Variants in CDH13 observed in about 807,000 individuals in gnomAD.
The protein encoded by CDH13 is cadherin-13.
CDH13 carries 24 observed loss-of-function variants against 63.8 expected under a neutral mutation model. The ratio of observed to expected loss-of-function variants is 0.38; its 90% CI spans 0.27 to 0.53. The LOEUF (loss-of-function observed/expected upper bound fraction) is 0.53. CDH13 is among the 20% of genes least tolerant of loss of function. CDH13 has a pLI of 0.85. For missense variants in CDH13, 1,049 were observed against 903.1 expected, an observed-to-expected ratio of 1.16 and a Z score of -2.07; for synonymous variants, 503 against 355.3, an observed-to-expected ratio of 1.42 and a Z score of -4.67.
At chr16:82,714,044 C>T (rs1240584874) in intron 1 of CDH13, among the ~76,000 whole-genome samples, 8 of 152,144 alleles carry the variant, frequency 5.3e-5, no homozygotes. Flanking sequence ...GGTGATTCAC[C>T]TGTCTCGGCC....
intron 5 of CDH13, among the ~76,000 whole-genome samples, chr16:83,223,074 G>A (rs571441727): frequency 4.4e-4 from 67 of 152,060 alleles, no homozygotes; most frequent in African/African-American, 1.6e-3. Flanking sequence ...GGGCAAAATT[G>A]AGAACCACTG....
intron 2 of CDH13, among the ~76,000 whole-genome samples, chr16:82,956,371 C>A (rs1906104966): frequency 6.6e-6 from 1 of 152,070 alleles, no homozygotes; most frequent in South Asian, 2.1e-4. Context: ...CTAATTTCTG[C>A]TCCAAATGGC....
At chr16:83,719,835 G>C (rs1428587097) in intron 10 of CDH13, among the ~76,000 whole-genome samples, 1 of 152,124 alleles carries the variant, frequency 6.6e-6, no homozygotes, top group Non-Finnish European at 1.5e-5. Context: ...ATCAGCGTCA[G>C]TTGGCCCCAC....
chr16:83,339,603 C>T (rs897731884), intron 5 of CDH13, among the ~76,000 whole-genome samples: 4 of 152,180 alleles, frequency 2.6e-5, no homozygotes, highest in Middle Eastern at 3.4e-3. Context: ...GCTCAGGGCC[C>T]GGATCTGGTG....
intron 2 of CDH13, among the ~76,000 whole-genome samples, chr16:82,983,070 A>G (rs8064047): frequency 0.055 from 8,435 of 152,134 alleles, 482 homozygotes; most frequent in African/African-American, 0.14. Flanking sequence ...GGCTGACGCT[A>G]TGGTTTTTAT....
intron 3 of CDH13, among the ~76,000 whole-genome samples, chr16:83,048,149 T>G (rs1204299788): frequency 1.3e-5 from 2 of 152,226 alleles, no homozygotes; most frequent in African/African-American, 4.8e-5. Flanking sequence ...TAATTGAATT[T>G]AATTGCTTTC....
chr16:83,787,754 C>G (rs1444284808), intron 13 of CDH13, among the ~76,000 whole-genome samples: 2 of 152,200 alleles, frequency 1.3e-5, no homozygotes, highest in Admixed American at 1.3e-4. Flanking sequence ...ACCAGCCTGG[C>G]CAACATGGCC....
At chr16:82,791,962 A>G (rs1052800940) in intron 1 of CDH13, among the ~76,000 whole-genome samples, 4 of 152,156 alleles carry the variant, frequency 2.6e-5, no homozygotes, top group Non-Finnish European at 4.4e-5. Flanking sequence ...CTCTAAGAAC[A>G]AAGACCCGCC....
chr16:82,706,369 C>T (rs1276601611), intron 1 of CDH13, among the ~76,000 whole-genome samples: 2 of 152,198 alleles, frequency 1.3e-5, no homozygotes, highest in East Asian at 3.9e-4. Flanking sequence ...TAGGGAATGG[C>T]TTTGGGGAGA....
intron 1 of CDH13, among the ~76,000 whole-genome samples, chr16:82,721,948 G>A (rs1194487312): frequency 6.6e-6 from 1 of 152,082 alleles, no homozygotes; most frequent in Non-Finnish European, 1.5e-5. Flanking sequence ...AATGTAGTTG[G>A]GGCGTGTCAC....
chr16:82,908,418 G>T (rs903082786), intron 2 of CDH13, among the ~76,000 whole-genome samples: 2 of 152,072 alleles, frequency 1.3e-5, no homozygotes, highest in South Asian at 4.1e-4. Flanking sequence ...GGTCAAAAGC[G>T]GTCTCAGTTA....
chr16:83,736,230 C>T (rs1911527629), intron 10 of CDH13, among the ~76,000 whole-genome samples: 2 of 152,124 alleles, frequency 1.3e-5, no homozygotes, highest in Admixed American at 1.3e-4. Flanking sequence ...CTGTGTAATG[C>T]TTTTACCCAT....
intron 10 of CDH13, among the ~76,000 whole-genome samples, chr16:83,689,906 C>T (rs12600325): frequency 0.14 from 21,384 of 152,146 alleles, 1,702 homozygotes; most frequent in East Asian, 0.28. Flanking sequence ...TATCTGTTGG[C>T]CGGGAGCAGT....
intron 6 of CDH13, among the ~76,000 whole-genome samples, chr16:83,429,341 A>C (rs1458394453): frequency 2.0e-5 from 3 of 152,162 alleles, no homozygotes; most frequent in African/African-American, 7.2e-5. Flanking sequence ...GACTTATGCA[A>C]ACCTCTCCTT....
chr16:82,640,577 C>T (rs1909275740), intron 1 of CDH13, among the ~76,000 whole-genome samples: 1 of 152,102 alleles, frequency 6.6e-6, no homozygotes, highest in Admixed American at 6.6e-5. Flanking sequence ...ACAAGCAGAG[C>T]TAGATTGGTC....
chr16:82,786,816 C>A (rs2036039053), intron 1 of CDH13, among the ~76,000 whole-genome samples: 1 of 152,004 alleles, frequency 6.6e-6, no homozygotes, highest in Admixed American at 6.6e-5. Context: ...CATTCATGTC[C>A]CTACAAAGGT....
At chr16:83,362,429 A>G (rs1383698333) in intron 6 of CDH13, among the ~76,000 whole-genome samples, 1 of 152,198 alleles carries the variant, frequency 6.6e-6, no homozygotes, top group Admixed American at 6.5e-5. Context: ...TTTTGTCTTT[A>G]TCTCTTTTTG....
chr16:83,503,920 G>A (rs1356175725), intron 7 of CDH13, among the ~76,000 whole-genome samples: 1 of 150,816 alleles, frequency 6.6e-6, no homozygotes, highest in East Asian at 2.0e-4. Context: ...GTCAATTTTG[G>A]CTTTTGTTGC....
intron 4 of CDH13, among the ~76,000 whole-genome samples, chr16:83,185,176 G>T (rs185867673): frequency 6.6e-6 from 1 of 152,220 alleles, no homozygotes; most frequent in East Asian, 1.9e-4. Context: ...TATCCAAGCA[G>T]CCTGGCTTCC....
Sources: gnomAD v4.1 joint callset for allele counts (sites outside exome capture counted in the v4.1 genomes callset) on GRCh38, gnomAD v4.1.1 for gene constraint, MANE v1.5 for transcripts, NCBI Gene and HGNC (gene_info 2026-07-23, HGNC 2026-07-21) for gene names.